TRAPPC9: variants seen among roughly 807,000 people sequenced by gnomAD.
The protein encoded by TRAPPC9 is IKK2 binding protein.
In TRAPPC9, 83 loss-of-function variants were observed where a neutral mutation model predicts 124.0. The observed-to-expected ratio is 0.67, with a 90% CI of 0.56 to 0.80. The LOEUF (loss-of-function observed/expected upper bound fraction) is 0.80. TRAPPC9 is among the 30% of genes least tolerant of loss of function. The probability of loss-of-function intolerance (pLI) is 0.00; values close to 1 mark genes in which losing one functional copy is unlikely to be tolerated. For synonymous variants in TRAPPC9, 638 were observed against 617.5 expected, an observed-to-expected ratio of 1.03 and a Z score of -0.49; for missense variants, 1,302 against 1,508.3, an observed-to-expected ratio of 0.86 and a Z score of 2.27.
intron 21 of TRAPPC9, among the ~76,000 whole-genome samples, chr8:139,798,097 T>C (rs1823227999): frequency 6.6e-6 from 1 of 152,252 alleles, no homozygotes; most frequent in Non-Finnish European, 1.5e-5. Context: ...TGAGGAGTGT[T>C]GCCATCTTAA....
chr8:140,343,556 T>G (rs1476675918), intron 9 of TRAPPC9, among the ~76,000 whole-genome samples: 1 of 152,186 alleles, frequency 6.6e-6, no homozygotes, highest in Non-Finnish European at 1.5e-5. Flanking sequence ...CACATTTCAC[T>G]TCCTAACCAG....
rs910724318 is a variant in TRAPPC9 at position 140,087,285 on chromosome 8, G to A, written c.2557-63206C>T. On this transcript the variant is annotated intron_variant, in intron 17 of 22. Transcript: ENST00000438773. The surrounding 1 kb of genome is among the most constrained non-coding windows in gnomAD (Gnocchi z 4.6). The stretch of plus-strand genomic sequence containing the variant: ...GGCCCCATCACCCTGCAGATGTCGG[G>A]GTGCCTCGAAAGCACAGCACTCTAT... Among the ~76,000 whole-genome samples the A allele has an allele frequency of 1.1e-4, 16 of 151,866 alleles. No individual in the cohort carries two copies. Among genetic ancestry groups the A allele is most frequent in the African/African-American group, 3.6e-4 (15 of 41,330 alleles).
chr8:140,066,525 G>A (rs9987138), intron 17 of TRAPPC9, among the ~76,000 whole-genome samples: 1 of 152,044 alleles, frequency 6.6e-6, no homozygotes, highest in Admixed American at 6.5e-5. Context: ...CTGTGAGATT[G>A]AGAATACAGG....
chr8:140,221,403 G>A (rs937534304), intron 17 of TRAPPC9, 56 bp downstream of exon 17: 16 of 1,610,660 alleles, frequency 9.9e-6, no homozygotes, highest in Middle Eastern at 1.6e-4. Flanking sequence ...CTTCAGAAAC[G>A]GCTTTGCAGA....
intron 18 of TRAPPC9, among the ~76,000 whole-genome samples, chr8:140,000,230 T>C (rs1286795621): frequency 6.6e-6 from 1 of 152,168 alleles, no homozygotes; most frequent in East Asian, 1.9e-4. Context: ...AAAAAATTAA[T>C]TCAAGATGGA....
At chr8:139,946,216 G>A (rs929552831) in intron 19 of TRAPPC9, among the ~76,000 whole-genome samples, 2 of 152,156 alleles carry the variant, frequency 1.3e-5, no homozygotes, top group Admixed American at 1.3e-4. Flanking sequence ...GGTCAAATAG[G>A]CCCTAGCAGG....
chr8:139,809,346 G>A (rs899006632), intron 21 of TRAPPC9, among the ~76,000 whole-genome samples: 3 of 152,220 alleles, frequency 2.0e-5, no homozygotes, highest in African/African-American at 7.2e-5. Flanking sequence ...CCTCTTCTAG[G>A]CATGCCTAGA....
rs1043276746 is a variant in TRAPPC9, at chr8:139,962,213, A to G, written c.2810+26513T>C. On this transcript the variant is annotated intron_variant, in intron 19 of 22. Transcript: ENST00000438773. ...ACCTCAGTCTTCCTGGATGCAGGAC[A>G]AGAACTCGGGCAAAGGCACCACTGG... is the stretch of plus-strand genomic sequence containing the variant. 7.4e-4 allele frequency among the ~76,000 whole-genome samples: 93 copies of G among 124,868 alleles called. 23 individuals carry two copies. The East Asian group carries it at 0.02, about 27-fold the overall frequency. The allele number at this position is 124,868 out of a possible 152,430, so 81.9% of individuals were successfully genotyped here. A position where few individuals can be genotyped will look rare whatever the true frequency, so the allele number is the denominator to read the frequency against.
At chr8:140,221,327 G>T in intron 17 of TRAPPC9, 132 bp downstream of exon 17, 1 of 1,359,006 alleles carries the variant, frequency 7.4e-7, no homozygotes, top group Non-Finnish European at 1.0e-6. Context: ...CAAGAACAAA[G>T]AATACCAAGA....
At chr8:140,425,441 T>C (rs1306487160) in intron 5 of TRAPPC9, among the ~76,000 whole-genome samples, 1 of 152,170 alleles carries the variant, frequency 6.6e-6, no homozygotes, top group Non-Finnish European at 1.5e-5. Flanking sequence ...CAGAATCTCC[T>C]CACTTTTCCT....
intron 21 of TRAPPC9, among the ~76,000 whole-genome samples, chr8:139,744,414 G>T (rs1818757725): frequency 2.0e-5 from 3 of 152,152 alleles, no homozygotes; most frequent in Non-Finnish European, 4.4e-5. Context: ...TTCTCTCAGG[G>T]TGCTGGAGCC....
At chr8:140,329,134 GA>G (rs907518037) in intron 9 of TRAPPC9, among the ~76,000 whole-genome samples, 2 of 152,132 alleles carry the variant, frequency 1.3e-5, no homozygotes, top group African/African-American at 4.8e-5. Flanking sequence ...AGGTGACAAA[GA>G]AAAACAGAGG....
intron 4 of TRAPPC9, among the ~76,000 whole-genome samples, chr8:140,427,092 ATTT>A (rs11464909): frequency 1.4e-5 from 2 of 138,390 alleles, no homozygotes; most frequent in Non-Finnish European, 1.5e-5. Context: ...CGACCGGCTA[ATTT>A]TTTTTTTTTT....
intron 5 of TRAPPC9, among the ~76,000 whole-genome samples, chr8:140,422,702 C>T (rs1490593510): frequency 7.0e-6 from 1 of 143,506 alleles, no homozygotes. Flanking sequence ...TGCAGTGAGC[C>T]GAGATCACAC....
chr8:140,316,838 G>A (rs1400822823), intron 9 of TRAPPC9, among the ~76,000 whole-genome samples: 2 of 152,180 alleles, frequency 1.3e-5, no homozygotes, highest in Non-Finnish European at 2.9e-5. Context: ...CAGCAGTGAA[G>A]CCCTCAGGTC....
intron 7 of TRAPPC9, among the ~76,000 whole-genome samples, chr8:140,388,162 G>T (rs1182331699): frequency 7.2e-6 from 1 of 138,554 alleles, no homozygotes; most frequent in Non-Finnish European, 1.5e-5. Context: ...TCATAGGTGG[G>T]AACTGAACAA....
intron 19 of TRAPPC9, among the ~76,000 whole-genome samples, chr8:139,967,030 T>C (rs1835750687): frequency 6.6e-6 from 1 of 152,170 alleles, no homozygotes; most frequent in Non-Finnish European, 1.5e-5. Flanking sequence ...AGCATGGTAG[T>C]TTGTCTTTAA....
chr8:140,445,567 C>G (rs1225058245), intron 2 of TRAPPC9, among the ~76,000 whole-genome samples: 1 of 152,184 alleles, frequency 6.6e-6, no homozygotes, highest in Non-Finnish European at 1.5e-5. Context: ...CCCCATGGAT[C>G]CTGGGAGCCA....
chr8:140,115,095 G>A (rs2060853823), intron 17 of TRAPPC9, among the ~76,000 whole-genome samples: 1 of 152,010 alleles, frequency 6.6e-6, no homozygotes, highest in Admixed American at 6.6e-5. Context: ...GCAGCCATGG[G>A]GAATTGGCTC....
Sources: gnomAD v4.1 joint callset for allele counts (sites outside exome capture counted in the v4.1 genomes callset) on GRCh38, gnomAD v4.1.1 for gene constraint, Gnocchi (gnomAD v3.1) non-coding constraint, MANE v1.5 for transcripts, NCBI Gene and HGNC (gene_info 2026-07-23, HGNC 2026-07-21) for gene names.